ANO6: variants seen among roughly 807,000 people sequenced by gnomAD.
The protein encoded by ANO6 is anoctamin-6.
A neutral mutation model predicts 117.5 loss-of-function variants in ANO6; 106 were observed. That is an observed-to-expected ratio of 0.90 (90% CI 0.77 to 1.06). ANO6 has a LOEUF of 1.06. Ranked by LOEUF, ANO6 falls within the 50% of genes least tolerant of loss-of-function variation. ANO6 has a pLI of 0.00. For missense variants in ANO6, 955 were observed against 1,121.1 expected (o/e 0.85, Z 2.12); for synonymous variants, 367 against 385.1 (o/e 0.95, Z 0.55).
intron 2 of ANO6, among the ~76,000 whole-genome samples, chr12:45,314,531 A>AAT (rs558388337): frequency 1.6e-4 from 24 of 150,926 alleles, no homozygotes; most frequent in South Asian, 6.3e-4. Flanking sequence ...ATATCTACCA[A>AAT]ATATATATAT....
intron 2 of ANO6, among the ~76,000 whole-genome samples, chr12:45,322,623 G>A (rs1940317607): frequency 6.6e-6 from 1 of 152,128 alleles, no homozygotes; most frequent in South Asian, 2.1e-4. Flanking sequence ...GATGCAAGGA[G>A]ACCAGTGGGT....
intron 15 of ANO6, among the ~76,000 whole-genome samples, chr12:45,407,055 C>G (rs1942953418): frequency 6.6e-6 from 1 of 152,160 alleles, no homozygotes; most frequent in East Asian, 1.9e-4. Flanking sequence ...TCTAAAAGTT[C>G]TGTGGGTGAT....
At chr12:45,314,459 T>A (rs898158020) in intron 2 of ANO6, among the ~76,000 whole-genome samples, 1 of 53,782 alleles carries the variant, frequency 1.9e-5, no homozygotes, top group Admixed American at 2.9e-4. Flanking sequence ...AAAAAAATTA[T>A]ATATATATTA....
At chr12:45,346,039 A>G (rs1014607112) in intron 3 of ANO6, among the ~76,000 whole-genome samples, 1 of 152,068 alleles carries the variant, frequency 6.6e-6, no homozygotes, top group Non-Finnish European at 1.5e-5. Flanking sequence ...AGCTCATTCC[A>G]TGCTAATAAA....
chr12:45,222,848 A>G (rs955479826), intron 1 of ANO6, among the ~76,000 whole-genome samples: 6 of 152,224 alleles, frequency 3.9e-5, no homozygotes, highest in African/African-American at 1.4e-4. Flanking sequence ...GAAAAATCTG[A>G]TCAGACAGGC....
At chr12:45,353,193 G>T (rs1941327056) in intron 7 of ANO6, among the ~76,000 whole-genome samples, 1 of 152,026 alleles carries the variant, frequency 6.6e-6, no homozygotes, top group Admixed American at 6.6e-5. Flanking sequence ...TCATTACTTA[G>T]ATTCATTATT....
intron 1 of ANO6, among the ~76,000 whole-genome samples, chr12:45,233,473 C>G (rs546372322): frequency 6.6e-5 from 10 of 152,266 alleles, no homozygotes; most frequent in African/African-American, 2.4e-4. Flanking sequence ...GGTAATATAT[C>G]TGTATTATTG....
chr12:45,260,896 TCTTG>T, intron 1 of ANO6, among the ~76,000 whole-genome samples: 1 of 152,274 alleles, frequency 6.6e-6, no homozygotes, highest in East Asian at 1.9e-4. Flanking sequence ...CAAGCAATCC[TCTTG>T]CTTCTGCTTC....
chr12:45,406,961 C>T (rs1275017270), intron 15 of ANO6, among the ~76,000 whole-genome samples: 1 of 152,160 alleles, frequency 6.6e-6, no homozygotes, highest in African/African-American at 2.4e-5. Context: ...TATGACAATA[C>T]ACATGGTAAA....
intron 1 of ANO6, among the ~76,000 whole-genome samples, chr12:45,295,571 T>C (rs960485607): frequency 3.3e-5 from 5 of 152,190 alleles, no homozygotes; most frequent in Non-Finnish European, 5.9e-5. Context: ...GTTTTGTTTT[T>C]GAGACAGAGT....
chr12:45,324,633 G>A (rs185382297), intron 2 of ANO6, among the ~76,000 whole-genome samples: 6 of 152,268 alleles, frequency 3.9e-5, no homozygotes, highest in Admixed American at 3.3e-4. Flanking sequence ...GAAACCTACT[G>A]TAAAAGATGA....
intron 1 of ANO6, among the ~76,000 whole-genome samples, chr12:45,279,111 T>C (rs1435373775): frequency 1.3e-5 from 2 of 152,214 alleles, no homozygotes; most frequent in East Asian, 3.9e-4. Flanking sequence ...ACCTTTCAAG[T>C]CTTTTCCTAG....
intron 1 of ANO6, among the ~76,000 whole-genome samples, chr12:45,230,622 T>C (rs2137139575): frequency 6.6e-6 from 1 of 152,094 alleles, no homozygotes; most frequent in East Asian, 1.9e-4. Flanking sequence ...ACTTTAAATA[T>C]ATAATTTTAG....
chr12:45,230,547 A>G (rs963965750), intron 1 of ANO6, among the ~76,000 whole-genome samples: 4 of 151,540 alleles, frequency 2.6e-5, no homozygotes, highest in African/African-American at 9.7e-5. Context: ...ACGGAGAAAT[A>G]TAAGTGAGGT....
At chr12:45,227,305 G>A (rs1947499182) in intron 1 of ANO6, among the ~76,000 whole-genome samples, 1 of 152,136 alleles carries the variant, frequency 6.6e-6, no homozygotes, top group Non-Finnish European at 1.5e-5. Flanking sequence ...TGCTTAAGAA[G>A]AAAGAAAAGT....
At chr12:45,421,512 TAGGGGTAAAACTTTCAGACC>T (rs1292732761) in intron 18 of ANO6, among the ~76,000 whole-genome samples, 3 of 152,280 alleles carry the variant, frequency 2.0e-5, no homozygotes, top group East Asian at 1.9e-4. Flanking sequence ...TAATGAAGAC[TAGGGGTAAAACTTTCAGACC>T]AGGGGTAAAA....
At chr12:45,313,775 C>A (rs1207674048) in intron 2 of ANO6, among the ~76,000 whole-genome samples, 2 of 152,014 alleles carry the variant, frequency 1.3e-5, no homozygotes, top group Non-Finnish European at 2.9e-5. Context: ...CACAACCTAT[C>A]AATAAATAAA....
intron 17 of ANO6, among the ~76,000 whole-genome samples, chr12:45,417,240 T>C (rs1244351838): frequency 6.6e-6 from 1 of 152,218 alleles, no homozygotes; most frequent in African/African-American, 2.4e-5. Context: ...TTTTTTATAA[T>C]GTGGGTAGAA....
chr12:45,420,286 A>G (rs975629406), intron 17 of ANO6, among the ~76,000 whole-genome samples: 2 of 152,198 alleles, frequency 1.3e-5, no homozygotes, highest in African/African-American at 4.8e-5. Context: ...TCAATTATAT[A>G]AAGCTCAATT....
Sources: allele counts gnomAD v4.1 joint callset (sites outside exome capture counted in the v4.1 genomes callset), GRCh38; gene constraint gnomAD v4.1.1; transcripts MANE v1.5; gene names NCBI Gene and HGNC (gene_info 2026-07-23, HGNC 2026-07-21).